The following OSBP2 variants were observed in gnomAD, a reference collection of about 807,000 sequenced individuals.
The protein encoded by OSBP2 is oxysterol-binding protein 2.
A neutral mutation model predicts 96.0 loss-of-function variants in OSBP2; 66 were observed. The ratio of observed to expected loss-of-function variants is 0.69; its 90% CI spans 0.56 to 0.84. The LOEUF (loss-of-function observed/expected upper bound fraction) is 0.84, where lower values mean the gene tolerates loss of function less well. Ranked by LOEUF, OSBP2 falls within the 40% of genes least tolerant of loss-of-function variation. The probability of loss-of-function intolerance (pLI) is 0.00; values close to 1 mark genes in which losing one functional copy is unlikely to be tolerated. For synonymous variants in OSBP2, 525 were observed against 520.9 expected (o/e 1.01, Z -0.11); for missense variants, 1,038 against 1,222.7 (o/e 0.85, Z 2.25).
intron 2 of OSBP2, among the ~76,000 whole-genome samples, chr22:30,778,333 A>C (rs558161251): frequency 8.7e-5 from 13 of 148,908 alleles, no homozygotes; most frequent in Admixed American, 3.3e-4. Context: ...ACACACACAC[A>C]CCCACTGACA....
intron 3 of OSBP2, among the ~76,000 whole-genome samples, chr22:30,882,434 C>T (rs1309195611): frequency 1.3e-5 from 2 of 152,050 alleles, no homozygotes; most frequent in African/African-American, 2.4e-5. Context: ...GCCCTACACA[C>T]ACCTCCTTGT....
At chr22:30,867,480 T>C (rs571963750) in intron 2 of OSBP2, among the ~76,000 whole-genome samples, 1 of 152,290 alleles carries the variant, frequency 6.6e-6, no homozygotes, top group African/African-American at 2.4e-5. Flanking sequence ...ACTCATTCAC[T>C]CATTCCCTCT....
At chr22:30,826,682 C>G (rs1395526437) in intron 2 of OSBP2, among the ~76,000 whole-genome samples, 2 of 152,196 alleles carry the variant, frequency 1.3e-5, no homozygotes, top group Non-Finnish European at 1.5e-5. Context: ...GCACTCAGCA[C>G]TTTTGTCTAA....
At chr22:30,750,734 C>G (rs1446055466) in intron 2 of OSBP2, among the ~76,000 whole-genome samples, 1 of 152,150 alleles carries the variant, frequency 6.6e-6, no homozygotes, top group Non-Finnish European at 1.5e-5. Context: ...AGTGATAACT[C>G]TTTGTTTTTT....
chr22:30,810,447 C>T (rs1351266301), intron 2 of OSBP2, among the ~76,000 whole-genome samples: 1 of 152,112 alleles, frequency 6.6e-6, no homozygotes, highest in Non-Finnish European at 1.5e-5. Flanking sequence ...CTATGCTGTC[C>T]AGAGCAGACC....
intron 2 of OSBP2, among the ~76,000 whole-genome samples, chr22:30,789,656 C>A (rs1221169346): frequency 3.3e-5 from 5 of 152,202 alleles, no homozygotes; most frequent in African/African-American, 7.2e-5. Flanking sequence ...TTTCTTTAGG[C>A]TTCCAAGGCT....
At chr22:30,747,056 G>A (rs2090011675) in intron 2 of OSBP2, among the ~76,000 whole-genome samples, 1 of 152,086 alleles carries the variant, frequency 6.6e-6, no homozygotes, top group African/African-American at 2.4e-5. Context: ...TTTGACTGAA[G>A]GTGAAAAAAG....
intron 2 of OSBP2, among the ~76,000 whole-genome samples, chr22:30,797,490 G>T (rs918160211): frequency 5.9e-5 from 9 of 152,096 alleles, no homozygotes; most frequent in Admixed American, 5.9e-4. Context: ...CACCATGTTG[G>T]CCAGGCTGGT....
chr22:30,801,919 G>C (rs1275119728), intron 2 of OSBP2, among the ~76,000 whole-genome samples: 1 of 152,212 alleles, frequency 6.6e-6, no homozygotes, highest in Non-Finnish European at 1.5e-5. Context: ...CCAGGCTGCA[G>C]TGAGCTATGA....
chr22:30,906,527 G>A lies in OSBP2; in HGVS notation c.*188G>A. On this transcript the variant is annotated 3_prime_UTR_variant, in exon 14 of 14. Coordinates refer to ENST00000332585, the MANE Select transcript of OSBP2 (RefSeq NM_030758.4). ...CTTGGAAGGAGGAAGGGCTGACCTG[G>A]GTTCTCTCCAGCCCCCAGGTGCGCC... The A allele has an allele frequency of 1.5e-6, 1 of 666,550 alleles. No homozygotes were observed. The highest frequency in any genetic ancestry group is 2.3e-6 in the Non-Finnish European group (1 of 433,296). The allele number at this position is 666,550 out of a possible 1,614,324, so 41.3% of individuals were successfully genotyped here.
intron 3 of OSBP2, among the ~76,000 whole-genome samples, chr22:30,878,950 AG>A (rs1435430356): frequency 1.3e-5 from 2 of 152,144 alleles, no homozygotes; most frequent in Non-Finnish European, 2.9e-5. Flanking sequence ...CACCAGATAG[AG>A]TGGGCACTGG....
intron 12 of OSBP2, among the ~76,000 whole-genome samples, chr22:30,897,891 A>G (rs572557519): frequency 2.6e-4 from 40 of 151,550 alleles, no homozygotes; most frequent in Non-Finnish European, 5.2e-4. Flanking sequence ...CAGAGGTGGC[A>G]GTGAGCTGAG....
intron 2 of OSBP2, among the ~76,000 whole-genome samples, chr22:30,838,880 C>G (rs2038688179): frequency 6.6e-6 from 1 of 151,356 alleles, no homozygotes; most frequent in East Asian, 1.9e-4. Flanking sequence ...TACATGTGCA[C>G]AATGTGCAGG....
chr22:30,851,152 C>T (rs1049905870), intron 2 of OSBP2, among the ~76,000 whole-genome samples: 2 of 152,140 alleles, frequency 1.3e-5, no homozygotes, highest in Admixed American at 1.3e-4. Context: ...ACTTCCTCCT[C>T]CCAGGTTCAT....
At chr22:30,744,495 A>G (rs1288412034) in intron 2 of OSBP2, among the ~76,000 whole-genome samples, 4 of 152,106 alleles carry the variant, frequency 2.6e-5, no homozygotes, top group Non-Finnish European at 1.5e-5. Flanking sequence ...GCTACTCCCC[A>G]GCTCTTTTGC....
intron 2 of OSBP2, among the ~76,000 whole-genome samples, chr22:30,860,560 TGG>T (rs955598505): frequency 3.3e-5 from 5 of 152,240 alleles, no homozygotes; most frequent in Non-Finnish European, 7.3e-5. Context: ...CCAGCTGGCA[TGG>T]GGTCTGTCCT....
At chr22:30,903,374 T>C (rs1357222123) in intron 12 of OSBP2, among the ~76,000 whole-genome samples, 1 of 152,242 alleles carries the variant, frequency 6.6e-6, no homozygotes, top group Non-Finnish European at 1.5e-5. Context: ...GTGTTGATTC[T>C]TGCAGGGTCC....
At chr22:30,722,528 C>A (rs2089567636) in intron 1 of OSBP2, among the ~76,000 whole-genome samples, 1 of 152,024 alleles carries the variant, frequency 6.6e-6, no homozygotes, top group South Asian at 2.1e-4. Context: ...TTAATGTTAT[C>A]AAATATCTAG....
chr22:30,771,414 G>A (rs1336842111), intron 2 of OSBP2, among the ~76,000 whole-genome samples: 1 of 152,254 alleles, frequency 6.6e-6, no homozygotes, highest in South Asian at 2.1e-4. Context: ...GTGCTGGGGA[G>A]GGCCTGATGA....
Sources: gnomAD v4.1 joint callset for allele counts (sites outside exome capture counted in the v4.1 genomes callset) on GRCh38, gnomAD v4.1.1 for gene constraint, MANE v1.5 for transcripts, NCBI Gene and HGNC (gene_info 2026-07-23, HGNC 2026-07-21) for gene names.